AKR1C3: variants seen among roughly 807,000 people sequenced by gnomAD.
AKR1C3 encodes 3-alpha hydroxysteroid dehydrogenase, type II.
Under a neutral mutation model 43.6 loss-of-function variants are expected in AKR1C3, and 48 were observed. The ratio of observed to expected loss-of-function variants is 1.10; its 90% confidence interval spans 0.87 to 1.40. AKR1C3 has a LOEUF of 1.40. Among genes scored for constraint, AKR1C3 ranks in the 40% most tolerant of loss-of-function variants. The probability of loss-of-function intolerance (pLI) is 0.00; values close to 1 mark genes in which losing one functional copy is unlikely to be tolerated. For missense variants in AKR1C3, 482 were observed against 391.2 expected, an observed-to-expected ratio of 1.23 and a Z score of -1.96; for synonymous variants, 162 against 139.6, an observed-to-expected ratio of 1.16 and a Z score of -1.13.
chr10:5,078,812 A>C (rs1554782093), intron 1 of AKR1C3, among the ~76,000 whole-genome samples: 1 of 152,234 alleles, frequency 6.6e-6, no homozygotes, highest in African/African-American at 2.4e-5. Flanking sequence ...CATTGAAGCA[A>C]GGGACTATTT....
rs1839541925 is a variant in AKR1C3, at chr10:5,107,623, T to C, written c.*120T>C. 2.8e-6 allele frequency: 2 copies of C among 702,572 alleles called. No individual in the cohort carries two copies. The allele number at this position is 702,572 out of a possible 1,614,324, so 43.5% of individuals were successfully genotyped here. ...ACTTAAATCCGTCCTGTTTAGCGAC[T>C]TCAGTCAACTACAGCTGAGTCCATA... On this transcript the variant is annotated 3_prime_UTR_variant, in exon 9 of 9. Transcript: ENST00000380554.
At chr10:5,104,069 C>G (rs1839431144) in intron 7 of AKR1C3, among the ~76,000 whole-genome samples, 1 of 151,978 alleles carries the variant, frequency 6.6e-6, no homozygotes, top group Non-Finnish European at 1.5e-5. Flanking sequence ...TGCATATGTG[C>G]TGTGGTTTTC....
At chr10:5,065,004 GA>G (rs1256450065) in intron 1 of AKR1C3, among the ~76,000 whole-genome samples, 1 of 148,854 alleles carries the variant, frequency 6.7e-6, no homozygotes, top group Admixed American at 6.6e-5. Flanking sequence ...ACAAGCATAT[GA>G]AAAAAATGTT....
In AKR1C3 at chr10:5,102,555, A is replaced by G. The variant is rs1554786261; in HGVS notation, c.751A>G (p.Thr251Ala). The G allele has an allele frequency of 2.5e-6, 4 of 1,570,636 alleles. No homozygotes were observed. In the South Asian group the frequency reaches 4.6e-5, roughly 18 times the overall value. Residue 251 changes from threonine (T) to alanine (A), a missense_variant, in exon 7 of 9, where the codon ACC (threonine) becomes GCC (alanine). Coordinates refer to ENST00000380554, the MANE Select transcript of AKR1C3 (RefSeq NM_003739.6). ...TGCCTTGGCAAAAAAGCACAAGCGA[A>G]CCCCAGCCCTGATTGCCCTGCGCTA... is the stretch of plus-strand genomic sequence containing the variant. Reference protein sequence around the residue: ...LCALAKKHKRTPALIALRYQL... With the variant: ...LCALAKKHKRAPALIALRYQL...
At chr10:5,077,751 T>C in intron 1 of AKR1C3, 1 of 1,095,690 alleles carries the variant, frequency 9.1e-7, no homozygotes, top group South Asian at 3.9e-5. Flanking sequence ...AAGGTGCAGC[T>C]CACTGCCAGT....
chr10:5,066,159 A>G (rs148671764), intron 1 of AKR1C3, among the ~76,000 whole-genome samples: 1 of 152,126 alleles, frequency 6.6e-6, no homozygotes, highest in East Asian at 1.9e-4. Context: ...TGTTATAGAG[A>G]TTTGCAGGAG....
chr10:5,103,039 AC>A (rs1198599588), intron 7 of AKR1C3, among the ~76,000 whole-genome samples: 1 of 142,802 alleles, frequency 7.0e-6, no homozygotes, highest in Admixed American at 6.8e-5. Flanking sequence ...ACAGGTGCCT[AC>A]CACCAAGCCC....
intron 1 of AKR1C3, among the ~76,000 whole-genome samples, chr10:5,095,867 ACTATTC>A (rs1243067585): frequency 6.7e-6 from 1 of 149,240 alleles, no homozygotes; most frequent in Non-Finnish European, 1.5e-5. Flanking sequence ...TTAATAGACT[ACTATTC>A]ACAGATGCTT....
chr10:5,101,484 T>G (rs1554785973), intron 5 of AKR1C3, among the ~76,000 whole-genome samples: 1 of 152,212 alleles, frequency 6.6e-6, no homozygotes, highest in East Asian at 1.9e-4. Context: ...TACTTGCCTC[T>G]AAATATCAAT....
chr10:5,056,505 T>A (rs1838265565), intron 1 of AKR1C3, among the ~76,000 whole-genome samples: 1 of 152,246 alleles, frequency 6.6e-6, no homozygotes. Context: ...CTGCTGCATT[T>A]CCTTACTAAG....
At chr10:5,058,781 T>C (rs1554779900) in intron 1 of AKR1C3, among the ~76,000 whole-genome samples, 1 of 152,136 alleles carries the variant, frequency 6.6e-6, no homozygotes, top group African/African-American at 2.4e-5. Context: ...GTGGCTCTTA[T>C]CGACACATTC....
At chr10:5,105,252 C>G (rs901796290) in intron 7 of AKR1C3, 18 of 179,654 alleles carry the variant, frequency 1.0e-4, no homozygotes, top group African/African-American at 4.3e-4. Context: ...AAAAATTTGC[C>G]TCTAGATTCT....
chr10:5,054,186 G>T (rs1342520521), intron 1 of AKR1C3, among the ~76,000 whole-genome samples: 1 of 152,246 alleles, frequency 6.6e-6, no homozygotes, highest in Non-Finnish European at 1.5e-5. Flanking sequence ...CTAGGCCTCA[G>T]CAGTTTTGGA....
At chr10:5,062,887 A>C (rs1245582494) in intron 1 of AKR1C3, among the ~76,000 whole-genome samples, 1 of 151,868 alleles carries the variant, frequency 6.6e-6, no homozygotes, top group Non-Finnish European at 1.5e-5. Context: ...AAAACAAAAA[A>C]ACTTGTAATT....
At chr10:5,104,264 A>T (rs1418062136) in intron 7 of AKR1C3, among the ~76,000 whole-genome samples, 2 of 152,140 alleles carry the variant, frequency 1.3e-5, no homozygotes, top group African/African-American at 4.8e-5. Context: ...AATTCAAATG[A>T]ATTTCTTTTT....
At chr10:5,076,278 T>A (rs1442246173) in intron 1 of AKR1C3, among the ~76,000 whole-genome samples, 1 of 152,204 alleles carries the variant, frequency 6.6e-6, no homozygotes, top group Admixed American at 6.5e-5. Context: ...AGTGTTGAGA[T>A]GTGGGACCTT....
At chr10:5,059,829 C>T (rs963489436) in intron 1 of AKR1C3, among the ~76,000 whole-genome samples, 10 of 152,170 alleles carry the variant, frequency 6.6e-5, no homozygotes, top group Admixed American at 5.2e-4. Context: ...ATGGTCCCTT[C>T]GTGGTCGCCA....
intron 1 of AKR1C3, among the ~76,000 whole-genome samples, chr10:5,058,782 C>G (rs543993665): frequency 6.6e-6 from 1 of 152,248 alleles, no homozygotes; most frequent in African/African-American, 2.4e-5. Context: ...TGGCTCTTAT[C>G]GACACATTCT....
intron 1 of AKR1C3, among the ~76,000 whole-genome samples, chr10:5,085,209 G>A (rs1838935941): frequency 6.6e-6 from 1 of 151,800 alleles, no homozygotes; most frequent in African/African-American, 2.4e-5. Flanking sequence ...ATTAGCTGTG[G>A]GTTTGTCATA....
Sources: allele counts gnomAD v4.1 joint callset (sites outside exome capture counted in the v4.1 genomes callset), GRCh38; gene constraint gnomAD v4.1.1; transcripts MANE v1.5; gene names NCBI Gene and HGNC (gene_info 2026-07-23, HGNC 2026-07-21).